Variants in GRHL2 observed in about 807,000 individuals in gnomAD.
GRHL2 encodes grainyhead-like protein 2 homolog.
In GRHL2, 21 loss-of-function variants were observed where a neutral mutation model predicts 83.8. The observed-to-expected ratio is 0.25, with a 90% CI of 0.18 to 0.36. The LOEUF is 0.36. Ranked by LOEUF, GRHL2 falls within the 10% of genes least tolerant of loss-of-function variation. The pLI is 1.00. For missense variants in GRHL2, 623 were observed against 781.8 expected (o/e 0.80, Z 2.42); for synonymous variants, 280 against 278.9 (o/e 1.00, Z -0.04).
chr8:101,506,570 A>G (rs1338409849), intron 1 of GRHL2, among the ~76,000 whole-genome samples: 1 of 152,144 alleles, frequency 6.6e-6, no homozygotes, highest in African/African-American at 2.4e-5. Context: ...ACCACCTCCT[A>G]TTTTTAATAT....
Position 101,649,455 on chromosome 8 carries a change from G to A in GRHL2, c.1654G>A (p.Ala552Thr). 6.2e-7 allele frequency: 1 copy of A among 1,614,094 alleles called. No homozygotes were observed. The highest frequency in any genetic ancestry group is 1.1e-5 in the South Asian group (1 of 91,062). Residue 552 changes from alanine (A) to threonine (T), a missense_variant, in exon 14 of 16, where the codon GCA becomes ACA. This residue lies in a region of GRHL2 where 210 missense variants were observed against 254.8 expected (regional missense o/e 0.82). Coordinates refer to ENST00000646743, the MANE Select transcript of GRHL2 (RefSeq NM_024915.4). ...GAAGGAGACTGACGATGTGTTCGAT[G>A]CATTGATGTTGAAGTCTCCCACAGT... ...VRKETDDVFD[A>T]LMLKSPTVKG...
At chr8:101,569,884 G>A (rs1233324384) in intron 4 of GRHL2, among the ~76,000 whole-genome samples, 2 of 152,224 alleles carry the variant, frequency 1.3e-5, no homozygotes, top group African/African-American at 4.8e-5. Flanking sequence ...AGGTAAAAGA[G>A]CTAGAACTTG....
At chr8:101,664,840 T>C (rs1008622229) in intron 15 of GRHL2, among the ~76,000 whole-genome samples, 1 of 152,022 alleles carries the variant, frequency 6.6e-6, no homozygotes. Flanking sequence ...GTGGAGTTTA[T>C]AGGGAATCAC....
intron 1 of GRHL2, among the ~76,000 whole-genome samples, chr8:101,522,777 A>G (rs1307206070): frequency 6.6e-6 from 1 of 151,200 alleles, no homozygotes; most frequent in East Asian, 1.9e-4. Context: ...ATATATATAT[A>G]AACATCTATA....
intron 1 of GRHL2, among the ~76,000 whole-genome samples, chr8:101,522,342 AT>A (rs1810702509): frequency 6.6e-6 from 1 of 152,206 alleles, no homozygotes; most frequent in South Asian, 2.1e-4. Context: ...TTTTCCTAGC[AT>A]TTACATTGTA....
chr8:101,549,893 C>T (rs1174689775), intron 2 of GRHL2, among the ~76,000 whole-genome samples: 3 of 151,572 alleles, frequency 2.0e-5, no homozygotes, highest in East Asian at 1.9e-4. Context: ...AGTTTTATCT[C>T]GTATCATGGG....
chr8:101,640,325 A>G (rs1813376316), intron 12 of GRHL2, among the ~76,000 whole-genome samples: 1 of 152,114 alleles, frequency 6.6e-6, no homozygotes, highest in African/African-American at 2.4e-5. Flanking sequence ...TTTTTAAATC[A>G]TAGCTATTGT....
intron 8 of GRHL2, among the ~76,000 whole-genome samples, chr8:101,610,015 G>A (rs4734557): frequency 0.5 from 75,081 of 150,370 alleles, 21,064 homozygotes; most frequent in African/African-American, 0.71. Flanking sequence ...CTGGGAGCTC[G>A]TTATTTCACC....
chr8:101,643,763 C>T (rs186809894), intron 12 of GRHL2, among the ~76,000 whole-genome samples: 7 of 152,366 alleles, frequency 4.6e-5, no homozygotes, highest in East Asian at 3.8e-4. Context: ...TGGGAGGGGA[C>T]GATGTGACTT....
chr8:101,598,959 A>G (rs1398015114), intron 7 of GRHL2, 98 bp from the exon 8 acceptor site: 10 of 821,584 alleles, frequency 1.2e-5, no homozygotes, highest in Non-Finnish European at 1.9e-5. Flanking sequence ...TGAAAAATAA[A>G]CGAAGTTTAA....
chr8:101,566,178 CA>C (rs1344628011), intron 4 of GRHL2, among the ~76,000 whole-genome samples: 1 of 152,082 alleles, frequency 6.6e-6, no homozygotes, highest in Non-Finnish European at 1.5e-5. Context: ...ATGGTAACAC[CA>C]AATTTCTGTC....
At chr8:101,669,778 T>C (rs567163415), downstream of GRHL2, 4 of 152,260 alleles carry the variant, frequency 2.6e-5, no homozygotes, top group South Asian at 2.1e-4. Context: ...TTTTACCTTG[T>C]TGGAGAGAGG....
chr8:101,613,585 A>G (rs1459293705), intron 8 of GRHL2, among the ~76,000 whole-genome samples: 2 of 151,086 alleles, frequency 1.3e-5, no homozygotes, highest in African/African-American at 2.5e-5. Context: ...CTTTTAGTCT[A>G]TCTTCCGTCT....
chr8:101,591,792 T>C (rs1361409705), intron 7 of GRHL2, among the ~76,000 whole-genome samples: 1 of 152,202 alleles, frequency 6.6e-6, no homozygotes, highest in East Asian at 1.9e-4. Context: ...TGGCATGAGC[T>C]TGTAAGTTCT....
rs1212701023 is a variant in GRHL2 at position 101,606,765 on chromosome 8, A to G, written c.1098+7614A>G. Reference sequence around the variant, plus strand: ...CTTCCTTCTCTCACTTCCTCCACTCACCTCCTCTCTCAGTGTTGTCTTTTC... The same window carrying G: ...CTTCCTTCTCTCACTTCCTCCACTCGCCTCCTCTCTCAGTGTTGTCTTTTC... On this transcript the variant is annotated intron_variant, in intron 8 of 15. Transcript: ENST00000646743. 1.6e-4 allele frequency among the ~76,000 whole-genome samples: 24 copies of G among 151,858 alleles called. 1 individual carries two copies. Among genetic ancestry groups the G allele is most frequent in the Admixed American group, 1.6e-3 (24 of 15,256 alleles).
intron 7 of GRHL2, among the ~76,000 whole-genome samples, chr8:101,578,419 C>T (rs1199275651): frequency 1.3e-5 from 2 of 152,116 alleles, no homozygotes; most frequent in African/African-American, 4.8e-5. Flanking sequence ...CCAGTGCCTC[C>T]CATCGGCAGA....
At chr8:101,515,569 G>C (rs774053495) in intron 1 of GRHL2, among the ~76,000 whole-genome samples, 1 of 152,208 alleles carries the variant, frequency 6.6e-6, no homozygotes, top group Non-Finnish European at 1.5e-5. Context: ...TCATGTTTCA[G>C]TGAGAGGCAG....
At position 101,667,416 on chromosome 8, in the gene GRHL2, G is replaced by C. The variant is rs1006539885; in HGVS notation, c.*713G>C. ...TGTTTACTGCCACTGGCCTAGAGGA[G>C]ACACAGACCTGGAGACCGTTTTAAT... On this transcript the variant is annotated 3_prime_UTR_variant, in exon 16 of 16. Coordinates refer to ENST00000646743, the MANE Select transcript of GRHL2 (RefSeq NM_024915.4). 6.5e-6 allele frequency: 1 copy of C among 153,728 alleles called. No individual in the cohort carries two copies. The highest frequency in any genetic ancestry group is 1.5e-5 in the Non-Finnish European group (1 of 68,850). The allele number at this position is 153,728 out of a possible 1,614,324, so 9.5% of individuals were successfully genotyped here. A position where few individuals can be genotyped will look rare whatever the true frequency, so the allele number is the denominator to read the frequency against.
At chr8:101,590,938 T>G (rs927142100) in intron 7 of GRHL2, among the ~76,000 whole-genome samples, 1 of 152,092 alleles carries the variant, frequency 6.6e-6, no homozygotes, top group Non-Finnish European at 1.5e-5. Flanking sequence ...TCTCCAAAAA[T>G]ATATACAAAA....
Sources: allele counts gnomAD v4.1 joint callset (sites outside exome capture counted in the v4.1 genomes callset), GRCh38; gene constraint gnomAD v4.1.1; regional missense constraint gnomAD v4.1.1; transcripts MANE v1.5; gene names NCBI Gene and HGNC (gene_info 2026-07-23, HGNC 2026-07-21).